Variants in OTUD7B observed in about 807,000 individuals in gnomAD.
OTUD7B encodes the protein OTU deubiquitinase 7B.
In OTUD7B, 34 loss-of-function variants were observed where a neutral mutation model predicts 82.2. That is an observed-to-expected ratio of 0.41 (90% CI 0.31 to 0.55). The LOEUF is 0.55. Ranked by LOEUF, OTUD7B falls within the 20% of genes least tolerant of loss-of-function variation. The pLI is 0.20. For missense variants in OTUD7B, 944 were observed against 1,062.1 expected, an observed-to-expected ratio of 0.89 and a Z score of 1.55; for synonymous variants, 398 against 402.7, an observed-to-expected ratio of 0.99 and a Z score of 0.14.
the OTUD7B span, among the ~76,000 whole-genome samples, chr1:150,046,639 C>T: frequency 4.8e-5 from 7 of 144,418 alleles, no homozygotes; most frequent in African/African-American, 1.0e-4. Context: ...TTAGTAGAGA[C>T]GGGGTTCCAC....
intron 1 of OTUD7B, among the ~76,000 whole-genome samples, chr1:150,000,756 A>T (rs963488608): frequency 9.9e-5 from 15 of 152,110 alleles, no homozygotes; most frequent in Non-Finnish European, 2.2e-4. Context: ...ATGTGGGCAG[A>T]TCACTTGAGG....
chr1:150,051,383 T>C, the OTUD7B span, among the ~76,000 whole-genome samples: 1 of 152,136 alleles, frequency 6.6e-6, no homozygotes, highest in Non-Finnish European at 1.5e-5. Context: ...AATGAAATTA[T>C]TGACATGAGT....
At chr1:149,994,019 A>T (rs1553782781) in intron 1 of OTUD7B, among the ~76,000 whole-genome samples, 1 of 152,194 alleles carries the variant, frequency 6.6e-6, no homozygotes, top group Non-Finnish European at 1.5e-5. Context: ...TTCCACAAAA[A>T]CTACAAAAGG....
intron 1 of OTUD7B, among the ~76,000 whole-genome samples, chr1:150,007,040 C>T (rs782486547): frequency 2.0e-5 from 3 of 152,180 alleles, no homozygotes; most frequent in African/African-American, 4.8e-5. Context: ...GAGTCCCCTC[C>T]ACCCTCTTGC....
At chr1:149,991,464 A>G (rs1006075340) in intron 1 of OTUD7B, among the ~76,000 whole-genome samples, 2 of 152,232 alleles carry the variant, frequency 1.3e-5, no homozygotes, top group Non-Finnish European at 2.9e-5. Flanking sequence ...TATATACTTC[A>G]TTTATATAAT....
At chr1:149,979,352 C>T (rs1386973283) in intron 1 of OTUD7B, among the ~76,000 whole-genome samples, 1 of 152,118 alleles carries the variant, frequency 6.6e-6, no homozygotes, top group African/African-American at 2.4e-5. Flanking sequence ...CAACTCTTAC[C>T]TCCCTCACAC....
chr1:150,013,920 C>CAAAAAA (rs1207073066), upstream of OTUD7B, among the ~76,000 whole-genome samples: 17 of 54,624 alleles, frequency 3.1e-4, no homozygotes, highest in African/African-American at 7.4e-4. Flanking sequence ...GACTCTGTCT[C>CAAAAAA]AAAAAAAAAA....
chr1:149,971,247 C>T lies in OTUD7B; in HGVS notation c.90G>A (p.Lys30=), dbSNP rs1553777617. 1.9e-6 allele frequency: 3 copies of T among 1,603,926 alleles called. No homozygotes were observed. The highest frequency in any genetic ancestry group is 2.6e-6 in the Non-Finnish European group (3 of 1,171,968). Residue 30 remains lysine (K), a synonymous_variant, in exon 3 of 12, where the codon AAG becomes AAA. Coordinates refer to ENST00000581312, the MANE Select transcript of OTUD7B (RefSeq NM_020205.4). ...PGLARDLLEG[K]NWDVNAALSD... is the part of the protein sequence containing the mutation. Reference sequence around the variant, plus strand: ...TGAGGGCGGCATTCACATCCCAATTCTTTCCTGTCAGGAGACAAAGCAAAA... The same window carrying T: ...TGAGGGCGGCATTCACATCCCAATTTTTTCCTGTCAGGAGACAAAGCAAAA...
At chr1:149,999,242 T>TAG (rs1553784108) in intron 1 of OTUD7B, among the ~76,000 whole-genome samples, 1 of 152,194 alleles carries the variant, frequency 6.6e-6, no homozygotes, top group African/African-American at 2.4e-5. Flanking sequence ...AGAAGGAACT[T>TAG]AAAGTTGTTA....
intron 2 of OTUD7B, among the ~76,000 whole-genome samples, chr1:149,972,622 A>T (rs1216989833): frequency 6.6e-6 from 1 of 152,160 alleles, no homozygotes; most frequent in Non-Finnish European, 1.5e-5. Context: ...TAGTTATCAC[A>T]TTTGTTGTTT....
At chr1:149,981,833 A>G (rs971327311) in intron 1 of OTUD7B, among the ~76,000 whole-genome samples, 3 of 152,210 alleles carry the variant, frequency 2.0e-5, no homozygotes, top group Non-Finnish European at 4.4e-5. Flanking sequence ...TAACAAGTTA[A>G]TATTAGTTAA....
chr1:149,992,081 A>G (rs1194798539), intron 1 of OTUD7B, among the ~76,000 whole-genome samples: 1 of 152,080 alleles, frequency 6.6e-6, no homozygotes, highest in East Asian at 1.9e-4. Flanking sequence ...TACAAAAATT[A>G]GCTGGGCATG....
In OTUD7B at chr1:149,944,906, C is replaced by G; in HGVS notation, c.1483G>C (p.Asp495His). 1 of 1,614,168 alleles carries G rather than the reference C, an allele frequency of 6.2e-7. No homozygotes were observed. Among genetic ancestry groups the G allele is most frequent in the Non-Finnish European group, 8.5e-7 (1 of 1,180,040 alleles). ...KEKSKRDREK[D>H]KKRADSVANK... is the part of the protein sequence containing the mutation. Reference sequence around the variant, plus strand: ...GCCACAGAATCTGCTCTCTTCTTGTCCTTCTCCCGATCTCGCTTTGACTTC... The same window carrying G: ...GCCACAGAATCTGCTCTCTTCTTGTGCTTCTCCCGATCTCGCTTTGACTTC... The change falls in exon 12 of 12, where the codon GAC becomes CAC. Residue 495 changes from aspartate to histidine, a missense_variant. By Grantham distance (81) the Asp-to-His change is moderately conservative. Transcript: ENST00000581312.
intron 6 of OTUD7B, chr1:149,963,690 T>C (rs1341863488): frequency 6.5e-6 from 1 of 153,376 alleles, no homozygotes; most frequent in Non-Finnish European, 1.5e-5. Flanking sequence ...GAAGTACTGT[T>C]CAGACTCAAT....
chr1:150,038,443 G>A, the OTUD7B span, among the ~76,000 whole-genome samples: 840 of 151,906 alleles, frequency 5.5e-3, 5 homozygotes, highest in African/African-American at 0.019. Flanking sequence ...CTGGAGTGCT[G>A]TGGCATGATC....
chr1:149,954,181 G>C (rs190558873), intron 7 of OTUD7B, among the ~76,000 whole-genome samples: 1,865 of 152,226 alleles, frequency 0.012, 43 homozygotes, highest in African/African-American at 0.043. Flanking sequence ...TTGGCTGTGG[G>C]TTTGTCATAA....
At chr1:150,014,502 G>A (rs2101967009), upstream of OTUD7B, among the ~76,000 whole-genome samples, 1 of 150,944 alleles carries the variant, frequency 6.6e-6, no homozygotes, top group Non-Finnish European at 1.5e-5. Flanking sequence ...CAATAGAAAT[G>A]AAATATATGT....
At chr1:150,051,316 T>C in the OTUD7B span, among the ~76,000 whole-genome samples, 1 of 151,860 alleles carries the variant, frequency 6.6e-6, no homozygotes, top group African/African-American at 2.4e-5. Flanking sequence ...CTCTGTAATT[T>C]ACCTGGAAAT....
rs369467490 is a variant in OTUD7B, at chr1:149,944,255, G to A, written c.2134C>T (p.Arg712Trp). The change falls in exon 12 of 12, where the codon CGG (arginine) becomes TGG (tryptophan). Residue 712 changes from arginine (R) to tryptophan (W), a missense_variant. Arg to Trp is a moderately radical substitution (Grantham distance 101). This residue lies in a region of OTUD7B where 412 missense variants were observed against 418.7 expected (regional missense o/e 0.98). Coordinates refer to ENST00000581312, the MANE Select transcript of OTUD7B (RefSeq NM_020205.4). ...SGGGVHCQEPRRQLAGGPCVG... is the reference protein window; with the variant it reads ...SGGGVHCQEPWRQLAGGPCVG... The stretch of plus-strand genomic sequence containing the variant: ...CATGGACCCCCTGCCAACTGCCTCC[G>A]GGGTTCCTGGCAGTGGACTCCGCCC... 50 of 1,611,660 alleles carry A rather than the reference G, an allele frequency of 3.1e-5. No homozygotes were observed. Among genetic ancestry groups the A allele is most frequent in the Non-Finnish European group, 3.6e-5 (43 of 1,178,596 alleles).
Sources: allele counts gnomAD v4.1 joint callset (sites outside exome capture counted in the v4.1 genomes callset), GRCh38; gene constraint gnomAD v4.1.1; regional missense constraint gnomAD v4.1.1; transcripts MANE v1.5; gene names NCBI Gene and HGNC (gene_info 2026-07-23, HGNC 2026-07-21).